Variants in MAOB observed in about 807,000 individuals in gnomAD.
The protein encoded by MAOB is amine oxidase [flavin-containing] B.
MAOB carries 15 observed loss-of-function variants against 41.9 expected under a neutral mutation model. That is an observed-to-expected ratio of 0.36 (90% CI 0.24 to 0.55). The LOEUF (loss-of-function observed/expected upper bound fraction) is 0.55, where lower values mean the gene tolerates loss of function less well. Ranked by LOEUF, MAOB falls within the 20% of genes least tolerant of loss-of-function variation. The pLI, the probability that MAOB is intolerant of heterozygous loss-of-function variation, is 0.86. For missense variants in MAOB, 345 were observed against 398.7 expected, an observed-to-expected ratio of 0.87 and a Z score of 1.15; for synonymous variants, 167 against 144.2, an observed-to-expected ratio of 1.16 and a Z score of -1.13.
chrX:43,813,896 T>C lies in MAOB; in HGVS notation c.280-10492A>G, dbSNP rs992200940. Among the ~76,000 whole-genome samples the C allele has an allele frequency of 5.4e-5, 6 of 111,039 alleles. No individual in the cohort carries two copies. In the Admixed American group the frequency reaches 5.8e-4, roughly 11 times the overall value. ...TAGATAAGAAAATCATGTAGTAGAT[T>C]AGAAGGTGAAAAGTGCTGTGAAGAC... On this transcript the variant is annotated intron_variant, in intron 3 of 14. Transcript: ENST00000378069.
chrX:43,869,577 T>A (rs984060704), intron 1 of MAOB, among the ~76,000 whole-genome samples: 20 of 112,099 alleles, frequency 1.8e-4, no homozygotes, highest in African/African-American at 6.5e-4. Flanking sequence ...GGGACTTTTC[T>A]GCCAATCTCT....
intron 3 of MAOB, among the ~76,000 whole-genome samples, chrX:43,813,542 T>C (rs2034773056): frequency 1.8e-5 from 2 of 112,353 alleles, no homozygotes; most frequent in Non-Finnish European, 3.8e-5. Context: ...GGTCCAAAGA[T>C]AGTCTCTGGA....
intron 3 of MAOB, among the ~76,000 whole-genome samples, chrX:43,815,038 A>G (rs1377659276): frequency 9.0e-6 from 1 of 111,380 alleles, no homozygotes; most frequent in African/African-American, 3.3e-5. Flanking sequence ...CTCAAAGAAT[A>G]AGGGTGTGTT....
chrX:43,799,268 G>C (rs2034565371), intron 5 of MAOB, among the ~76,000 whole-genome samples: 1 of 112,421 alleles, frequency 8.9e-6, no homozygotes, highest in Non-Finnish European at 1.9e-5. Context: ...GCTAGCTCAT[G>C]CCTTCCTTGC....
intron 8 of MAOB, 96 bp from the exon 9 acceptor site, chrX:43,781,640 C>A: frequency 2.3e-6 from 1 of 435,348 alleles, no homozygotes; most frequent in Non-Finnish European, 3.8e-6. Context: ...TTGAGAAGCC[C>A]AAAGGCCAAA....
intron 6 of MAOB, 55 bp downstream of exon 6, chrX:43,797,070 T>C: frequency 8.9e-7 from 1 of 1,122,758 alleles, no homozygotes; most frequent in East Asian, 3.1e-5. Context: ...GATGATGATC[T>C]TTCATTTCAG....
rs952603149 is a variant in MAOB, at chrX:43,803,353, T to C, written c.331A>G (p.Thr111Ala). ...GPFPPVWNPI[T>A]YLDHNNFWRT... is the part of the protein sequence containing the mutation. ...CAAAAGTTGTTATGATCTAAGTAGG[T>C]AATTGGATTCCATACAGGTGGGAAT... is the stretch of plus-strand genomic sequence containing the variant. The change falls in exon 4 of 15, where the codon ACC becomes GCC. Residue 111 changes from threonine (T) to alanine (A), a missense_variant. Thr to Ala is a moderately conservative substitution (Grantham distance 58). Transcript: ENST00000378069. The C allele has an allele frequency of 8.5e-7, 1 of 1,173,707 alleles. No individual in the cohort carries two copies. The highest frequency in any genetic ancestry group is 1.1e-6 in the Non-Finnish European group (1 of 881,917).
At chrX:43,862,333 C>T (rs746949341) in intron 1 of MAOB, among the ~76,000 whole-genome samples, 10 of 111,589 alleles carry the variant, frequency 9.0e-5, no homozygotes, top group African/African-American at 2.6e-4. Context: ...CTTACTATGT[C>T]CCTCTGTTAT....
chrX:43,769,108 G>A (rs192196140), intron 13 of MAOB, among the ~76,000 whole-genome samples, 199 bp downstream of exon 13: 5 of 111,503 alleles, frequency 4.5e-5, no homozygotes, highest in Admixed American at 9.5e-5. Flanking sequence ...TTTTTACTTC[G>A]GGTGACATGT....
intron 1 of MAOB, chrX:43,844,024 TGACTAA>T: frequency 1.6e-6 from 1 of 637,725 alleles, no homozygotes; most frequent in Non-Finnish European, 2.0e-6. Flanking sequence ...TCTATTTTAA[TGACTAA>T]ATTGCATGTC....
intron 3 of MAOB, among the ~76,000 whole-genome samples, chrX:43,814,665 T>C (rs2034786980): frequency 8.9e-6 from 1 of 111,903 alleles, no homozygotes; most frequent in Non-Finnish European, 1.9e-5. Flanking sequence ...CTTAAGAATG[T>C]TATATATTCA....
At chrX:43,769,262 C>A (rs770750223) in intron 13 of MAOB, 45 bp downstream of exon 13, 10 of 1,138,567 alleles carry the variant, frequency 8.8e-6, no homozygotes, top group Middle Eastern at 2.7e-4. Context: ...CATGTCAGGA[C>A]CATGAGTTGC....
rs1384833415 is a variant in MAOB at position 43,870,668 on chromosome X, A to G, written c.46+11586T>C. ...AAATTAGCCAGGCATGGTGGTGGGC[A>G]CCTGTAGTCCCAGCTACTTGGGAGG... On this transcript the variant is annotated intron_variant, in intron 1 of 14. Coordinates refer to ENST00000378069, the MANE Select transcript of MAOB (RefSeq NM_000898.5). Among the ~76,000 whole-genome samples, 3 of 107,676 alleles carry G rather than the reference A, an allele frequency of 2.8e-5. No homozygotes were observed. The Admixed American group carries it at 3.0e-4, about 11-fold the overall frequency. The allele number at this position is 107,676 out of a possible 115,157, so 93.5% of individuals were successfully genotyped here.
chrX:43,860,870 G>A lies in MAOB; in HGVS notation c.47-17106C>T, dbSNP rs373207070. 3.0e-3 allele frequency among the ~76,000 whole-genome samples: 338 copies of A among 111,295 alleles called. 2 individuals carry two copies. Among genetic ancestry groups the A allele is most frequent in the African/African-American group, 0.01 (321 of 30,573 alleles). ...TGCAAGGGTTGTTCCCACCATAGGGGATTTACAGTAACTGTTCCCACATTC... is the reference window on the plus strand; with the variant it reads ...TGCAAGGGTTGTTCCCACCATAGGGAATTTACAGTAACTGTTCCCACATTC... On this transcript the variant is annotated intron_variant, in intron 1 of 14. Coordinates refer to ENST00000378069, the MANE Select transcript of MAOB (RefSeq NM_000898.5).
At chrX:43,775,564 TAAA>T (rs1008659742) in intron 11 of MAOB, among the ~76,000 whole-genome samples, 6 of 111,969 alleles carry the variant, frequency 5.4e-5, no homozygotes, top group Non-Finnish European at 1.1e-4. Flanking sequence ...TTTTACCTAT[TAAA>T]AAGTTTTAGT....
At chrX:43,775,114 T>G (rs778015192) in intron 12 of MAOB, 61 bp downstream of exon 12, 269 of 1,030,158 alleles carry the variant, frequency 2.6e-4, no homozygotes, top group Non-Finnish European at 2.9e-4. Context: ...CCTGAACCTA[T>G]TTAGGTTTTG....
At chrX:43,857,149 AG>A (rs1569230900) in intron 1 of MAOB, among the ~76,000 whole-genome samples, 23 of 63,323 alleles carry the variant, frequency 3.6e-4, no homozygotes, top group Non-Finnish European at 4.8e-4. Context: ...AGAGAGAGAG[AG>A]AGAGAGAGAG....
At chrX:43,784,400 C>A (rs975241853) in intron 8 of MAOB, among the ~76,000 whole-genome samples, 3 of 112,419 alleles carry the variant, frequency 2.7e-5, no homozygotes, top group African/African-American at 6.5e-5. Context: ...CCATGGGCTG[C>A]AGAATGGACA....
intron 14 of MAOB, among the ~76,000 whole-genome samples, chrX:43,767,866 T>A (rs769670456): frequency 8.9e-6 from 1 of 112,190 alleles, no homozygotes; most frequent in East Asian, 2.8e-4. Context: ...TCTCAGCATG[T>A]CTTCTTCACT....
Sources: allele counts gnomAD v4.1 joint callset (sites outside exome capture counted in the v4.1 genomes callset), GRCh38; gene constraint gnomAD v4.1.1; transcripts MANE v1.5; gene names NCBI Gene and HGNC (gene_info 2026-07-23, HGNC 2026-07-21).